DNM3: variants seen among roughly 807,000 people sequenced by gnomAD.
The protein encoded by DNM3 is dynamin 3, also known as dynamin-3.
DNM3 carries 47 observed loss-of-function variants against 101.6 expected under a neutral mutation model. The observed-to-expected ratio is 0.46, with a 90% CI of 0.37 to 0.59. The LOEUF is 0.59. Among genes scored for constraint, DNM3 ranks in the 20% least tolerant of loss-of-function variants. The pLI, the probability that DNM3 is intolerant of heterozygous loss-of-function variation, is 0.00. For synonymous variants in DNM3, 385 were observed against 387.9 expected, an observed-to-expected ratio of 0.99 and a Z score of 0.09; for missense variants, 849 against 1,085.7, an observed-to-expected ratio of 0.78 and a Z score of 3.06.
At chr1:172,261,328 C>T (rs2062637112) in intron 15 of DNM3, among the ~76,000 whole-genome samples, 1 of 152,172 alleles carries the variant, frequency 6.6e-6, no homozygotes, top group African/African-American at 2.4e-5. Flanking sequence ...GGGTACTTTG[C>T]TTTTGAATCT....
At chr1:172,041,874 C>T in intron 7 of DNM3, 135 bp from the exon 8 acceptor site, 1 of 805,816 alleles carries the variant, frequency 1.2e-6, no homozygotes, top group Non-Finnish European at 1.9e-6. Flanking sequence ...ACATAGAGTG[C>T]AATGTTAACT....
At chr1:172,416,291 T>C (rs538626247), downstream of DNM3, among the ~76,000 whole-genome samples, 1 of 152,312 alleles carries the variant, frequency 6.6e-6, no homozygotes, top group Admixed American at 6.5e-5. Flanking sequence ...CTTTAAGCAT[T>C]TCGGCACTGT....
chr1:172,377,625 GCTCCTAACTC>G (rs550933386), intron 17 of DNM3, among the ~76,000 whole-genome samples: 1 of 141,242 alleles, frequency 7.1e-6, no homozygotes, highest in Non-Finnish European at 1.5e-5. Flanking sequence ...AGTTGTAGTA[GCTCCTAACTC>G]CTCAACTTGG....
intron 12 of DNM3, among the ~76,000 whole-genome samples, chr1:172,090,526 T>C (rs2053837493): frequency 6.6e-6 from 1 of 152,038 alleles, no homozygotes; most frequent in Non-Finnish European, 1.5e-5. Context: ...AATAATTTCA[T>C]CGTAATTAAG....
At chr1:171,884,368 T>A (rs1173419524) in intron 1 of DNM3, among the ~76,000 whole-genome samples, 2 of 152,204 alleles carry the variant, frequency 1.3e-5, no homozygotes, top group Non-Finnish European at 2.9e-5. Flanking sequence ...GCTGGACCCA[T>A]TAGGATTAAT....
At position 172,287,490 on chromosome 1, in the gene DNM3, C is replaced by T. The variant is rs1350616287; in HGVS notation, c.1770-21238C>T. Among the ~76,000 whole-genome samples, 3 of 152,148 alleles carry T rather than the reference C, an allele frequency of 2.0e-5. No individual in the cohort carries two copies. The South Asian group carries it at 6.2e-4, about 32-fold the overall frequency. On this transcript the variant is annotated intron_variant, in intron 15 of 20. Transcript: ENST00000627582. ...TCAGCTGACTCTGCAGCTGCACTTA[C>T]AGTAAATGTGTTTTGCAATGCTCTT...
chr1:172,132,788 C>T, intron 14 of DNM3: 1 of 669,768 alleles, frequency 1.5e-6, no homozygotes, highest in Non-Finnish European at 2.7e-6. Flanking sequence ...CCATATTCAG[C>T]CTTAACTACT....
At chr1:171,897,352 A>G (rs1488278338) in intron 1 of DNM3, among the ~76,000 whole-genome samples, 1 of 152,192 alleles carries the variant, frequency 6.6e-6, no homozygotes, top group African/African-American at 2.4e-5. Flanking sequence ...AATTTATACT[A>G]TGTACTTTTT....
chr1:172,148,835 T>C (rs1192253632), intron 14 of DNM3, among the ~76,000 whole-genome samples: 1 of 152,128 alleles, frequency 6.6e-6, no homozygotes, highest in Non-Finnish European at 1.5e-5. Context: ...CCTATTTTGT[T>C]AGGGCTCAAA....
At chr1:172,170,927 A>G (rs2058934495) in intron 14 of DNM3, among the ~76,000 whole-genome samples, 1 of 151,750 alleles carries the variant, frequency 6.6e-6, no homozygotes, top group Admixed American at 6.6e-5. Flanking sequence ...AGAGGGGAAA[A>G]AAGATCTGGC....
chr1:172,233,001 A>G (rs532718008), intron 14 of DNM3, among the ~76,000 whole-genome samples: 32 of 152,292 alleles, frequency 2.1e-4, no homozygotes, highest in African/African-American at 7.7e-4. Flanking sequence ...GAGCAAACAC[A>G]TTCAAAAGCT....
At chr1:172,201,402 A>G (rs1277036443) in intron 14 of DNM3, among the ~76,000 whole-genome samples, 1 of 152,152 alleles carries the variant, frequency 6.6e-6, no homozygotes, top group East Asian at 1.9e-4. Context: ...TGGAGACAAC[A>G]GAGGAAGGGA....
At chr1:171,956,743 C>T (rs1369941397) in intron 2 of DNM3, among the ~76,000 whole-genome samples, 1 of 152,224 alleles carries the variant, frequency 6.6e-6, no homozygotes, top group Non-Finnish European at 1.5e-5. Flanking sequence ...GGCCCTGCCC[C>T]TGCAGCAAAC....
chr1:172,337,897 TTTTATTTTATTTTATTTTATTTTA>T (rs763926100), intron 17 of DNM3, among the ~76,000 whole-genome samples: 2,345 of 143,294 alleles, frequency 0.016, 25 homozygotes, highest in Middle Eastern at 0.029. Context: ...TTTTATTTTA[TTTTATTTTATTTTATTTTATTTTA>T]TTTTATTATT....
chr1:171,863,246 G>A (rs2034367621), intron 1 of DNM3, among the ~76,000 whole-genome samples: 1 of 152,094 alleles, frequency 6.6e-6, no homozygotes, highest in South Asian at 2.1e-4. Context: ...AAAGTATGGT[G>A]AGATGGGCAT....
intron 2 of DNM3, among the ~76,000 whole-genome samples, chr1:171,953,953 A>G (rs1454321818): frequency 6.6e-6 from 1 of 152,168 alleles, no homozygotes; most frequent in African/African-American, 2.4e-5. Flanking sequence ...CCTTTTTCAT[A>G]TACTCCAGTT....
intron 13 of DNM3, among the ~76,000 whole-genome samples, chr1:172,112,453 C>G (rs2055554971): frequency 6.6e-6 from 1 of 152,198 alleles, no homozygotes; most frequent in African/African-American, 2.4e-5. Context: ...TAGGGATCAA[C>G]TACAAAGTCT....
intron 2 of DNM3, among the ~76,000 whole-genome samples, chr1:171,975,840 C>A (rs1016454904): frequency 3.9e-5 from 6 of 152,100 alleles, no homozygotes; most frequent in Non-Finnish European, 5.9e-5. Flanking sequence ...TATACAGGTT[C>A]CACGGTTTGT....
chr1:171,910,221 C>T (rs1013271751), intron 1 of DNM3, among the ~76,000 whole-genome samples: 1 of 152,166 alleles, frequency 6.6e-6, no homozygotes, highest in African/African-American at 2.4e-5. Context: ...CAATAGTCTT[C>T]CCTTATCTGA....
Sources: gnomAD v4.1 joint callset for allele counts (sites outside exome capture counted in the v4.1 genomes callset) on GRCh38, gnomAD v4.1.1 for gene constraint, MANE v1.5 for transcripts, NCBI Gene and HGNC (gene_info 2026-07-23, HGNC 2026-07-21) for gene names.